ZNF407: variants seen among roughly 807,000 people sequenced by gnomAD.
ZNF407 encodes the protein zinc finger protein 407.
Under a neutral mutation model 131.2 loss-of-function variants are expected in ZNF407, and 17 were observed. That is an observed-to-expected ratio of 0.13 (90% CI 0.09 to 0.19). The LOEUF is 0.19. ZNF407 is among the 10% of genes least tolerant of loss of function. ZNF407 has a pLI of 1.00. For synonymous variants in ZNF407, 1,156 were observed against 1,062.0 expected, an observed-to-expected ratio of 1.09 and a Z score of -1.72; for missense variants, 2,681 against 2,830.6, an observed-to-expected ratio of 0.95 and a Z score of 1.20.
intron 8 of ZNF407, among the ~76,000 whole-genome samples, chr18:75,055,670 CT>C (rs1973553803): frequency 6.6e-6 from 1 of 152,100 alleles, no homozygotes; most frequent in African/African-American, 2.4e-5. Context: ...AGTTAGAAAC[CT>C]GCATGATTAT....
chr18:74,717,654 C>T (rs1171001254), intron 3 of ZNF407, among the ~76,000 whole-genome samples: 1 of 152,134 alleles, frequency 6.6e-6, no homozygotes, highest in African/African-American at 2.4e-5. Context: ...AACAAAACAC[C>T]ACCCAAACTA....
intron 1 of ZNF407, among the ~76,000 whole-genome samples, chr18:74,623,202 C>T (rs1379300213): frequency 3.4e-5 from 5 of 147,360 alleles, no homozygotes; most frequent in African/African-American, 1.2e-4. Context: ...GTCTGTATGT[C>T]TGTGAATATG....
chr18:74,629,500 C>G (rs936583658), intron 1 of ZNF407, among the ~76,000 whole-genome samples: 6 of 152,146 alleles, frequency 3.9e-5, no homozygotes, highest in Non-Finnish European at 8.8e-5. Context: ...GCTCTGTTTT[C>G]ACTTTCTTGA....
At chr18:74,699,215 T>C (rs972851847) in intron 3 of ZNF407, among the ~76,000 whole-genome samples, 3 of 152,166 alleles carry the variant, frequency 2.0e-5, no homozygotes, top group African/African-American at 7.2e-5. Context: ...AAAGATAAGA[T>C]CTGCTATGGA....
At chr18:74,900,401 C>T (rs1282595153) in intron 7 of ZNF407, among the ~76,000 whole-genome samples, 4 of 152,116 alleles carry the variant, frequency 2.6e-5, no homozygotes, top group Non-Finnish European at 4.4e-5. Context: ...AAAACAGAAG[C>T]GATGTCATGG....
chr18:74,879,847 A>G (rs972023405), intron 5 of ZNF407, among the ~76,000 whole-genome samples: 7 of 152,218 alleles, frequency 4.6e-5, no homozygotes, highest in Non-Finnish European at 1.0e-4. Context: ...CTTAAAATAA[A>G]GGGAAGACTC....
At chr18:75,030,009 A>G (rs1221787108) in intron 8 of ZNF407, among the ~76,000 whole-genome samples, 1 of 152,252 alleles carries the variant, frequency 6.6e-6, no homozygotes, top group African/African-American at 2.4e-5. Context: ...AATGGCAACA[A>G]GAAAATATTG....
At chr18:74,761,945 T>TTCTCCTCCAAAATTCAAATTTCAA (rs1287697114) in intron 3 of ZNF407, among the ~76,000 whole-genome samples, 6 of 152,168 alleles carry the variant, frequency 3.9e-5, no homozygotes, top group Non-Finnish European at 8.8e-5. Flanking sequence ...AAATTGCTAG[T>TTCTCCTCCAAAATTCAAATTTCAA]ATTTGTAGGA....
At position 74,641,114 on chromosome 18, in the gene ZNF407, T is replaced by C. The variant is rs1984693544; in HGVS notation, c.4794T>C (p.His1598=). The C allele has an allele frequency of 3.1e-6, 5 of 1,611,894 alleles. No individual in the cohort carries two copies. Among genetic ancestry groups the C allele is most frequent in the East Asian group, 4.5e-5 (2 of 44,838 alleles). The change falls in exon 3 of 9, where the codon CAT becomes CAC. Residue 1598 remains histidine (H), a synonymous_variant. Transcript: ENST00000299687. The part of the protein sequence containing the change: ...RHLGMREYKC[H]VCGVAFVMKK... Reference sequence around the variant, plus strand: ...TTGGGATGAGGGAATACAAGTGTCATGTCTGTGGGTGAGTAAATTGAAGCC... The same window carrying C: ...TTGGGATGAGGGAATACAAGTGTCACGTCTGTGGGTGAGTAAATTGAAGCC...
chr18:74,755,885 C>CCT (rs1968945923), intron 3 of ZNF407, among the ~76,000 whole-genome samples: 2 of 25,822 alleles, frequency 7.7e-5, no homozygotes, highest in Non-Finnish European at 1.2e-4. Flanking sequence ...CTTTTCCTTC[C>CCT]TTTTTTTTTT....
chr18:74,706,723 G>C (rs1967632128), intron 3 of ZNF407, among the ~76,000 whole-genome samples: 1 of 152,132 alleles, frequency 6.6e-6, no homozygotes. Context: ...GATAGGGATG[G>C]TTCTTATTTT....
chr18:75,056,549 G>A, intron 8 of ZNF407, among the ~76,000 whole-genome samples: 1 of 152,198 alleles, frequency 6.6e-6, no homozygotes, highest in Non-Finnish European at 1.5e-5. Flanking sequence ...AGTTCACATT[G>A]TTTAGTACAA....
Position 74,641,731 on chromosome 18 carries a change from G to A in ZNF407, c.4802+609G>A, listed in dbSNP as rs188193274. On this transcript the variant is annotated intron_variant, in intron 3 of 8. Transcript: ENST00000299687. ...AACTGTTATTCAAATGTGTTGCATT[G>A]GATAGAAAGTGCTAAGGTGCCTTAA... 5.9e-5 allele frequency among the ~76,000 whole-genome samples: 9 copies of A among 152,246 alleles called. No homozygotes were observed. The East Asian group carries it at 1.7e-3, about 29-fold the overall frequency.
chr18:74,858,253 C>T (rs1468564740), intron 4 of ZNF407, among the ~76,000 whole-genome samples: 1 of 151,708 alleles, frequency 6.6e-6, no homozygotes, highest in Non-Finnish European at 1.5e-5. Flanking sequence ...ATTAACACCC[C>T]CTTTTCTGTA....
chr18:74,902,589 A>T (rs1480231252), intron 7 of ZNF407, among the ~76,000 whole-genome samples: 1 of 152,228 alleles, frequency 6.6e-6, no homozygotes, highest in Non-Finnish European at 1.5e-5. Context: ...AGATTATTAC[A>T]TAAATTCAGT....
At chr18:74,977,436 TG>T (rs1972540417) in intron 8 of ZNF407, among the ~76,000 whole-genome samples, 1 of 152,258 alleles carries the variant, frequency 6.6e-6, no homozygotes, top group African/African-American at 2.4e-5. Flanking sequence ...TCACATTCCA[TG>T]TGAGTTTCCT....
At chr18:74,842,600 ATGTGTGTG>A (rs10533228) in intron 4 of ZNF407, among the ~76,000 whole-genome samples, 2 of 150,316 alleles carry the variant, frequency 1.3e-5, no homozygotes, top group African/African-American at 4.9e-5. Context: ...TTCCCTAGTG[ATGTGTGTG>A]TGTGTGTGTG....
intron 4 of ZNF407, among the ~76,000 whole-genome samples, chr18:74,872,175 G>A (rs541459486): frequency 0.028 from 1,214 of 42,680 alleles, 8 homozygotes; most frequent in Non-Finnish European, 0.043. Context: ...CATCCGCCCC[G>A]CCCCCCTCCA....
intron 3 of ZNF407, among the ~76,000 whole-genome samples, chr18:74,686,856 A>G (rs1230091924): frequency 6.6e-6 from 1 of 152,236 alleles, no homozygotes; most frequent in Non-Finnish European, 1.5e-5. Flanking sequence ...TCAAGAAAAC[A>G]ATAATTTATA....
Sources: allele counts gnomAD v4.1 joint callset (sites outside exome capture counted in the v4.1 genomes callset), GRCh38; gene constraint gnomAD v4.1.1; transcripts MANE v1.5; gene names NCBI Gene and HGNC (gene_info 2026-07-23, HGNC 2026-07-21).